Variants in FZD3 observed in about 807,000 individuals in gnomAD.
The protein encoded by FZD3 is frizzled-3.
Under a neutral mutation model 60.7 loss-of-function variants are expected in FZD3, and 30 were observed. The ratio of observed to expected loss-of-function variants is 0.49; its 90% CI spans 0.37 to 0.67. The LOEUF (loss-of-function observed/expected upper bound fraction) is 0.67. FZD3 is among the 30% of genes least tolerant of loss of function. The pLI is 0.00. For synonymous variants in FZD3, 246 were observed against 275.2 expected (o/e 0.89, Z 1.05); for missense variants, 605 against 838.7 (o/e 0.72, Z 3.44).
chr8:28,541,631 T>C, intron 5 of FZD3, among the ~76,000 whole-genome samples: 1 of 152,238 alleles, frequency 6.6e-6, no homozygotes, highest in Non-Finnish European at 1.5e-5. Context: ...TGTTTCAGAC[T>C]ATACAGCCCA....
rs745500133 is a variant in FZD3, at chr8:28,551,596, C to T, written c.1405-7C>T. On this transcript the variant is annotated splice_polypyrimidine_tract_variant and splice_region_variant and intron_variant, in intron 5 of 7. Transcript: ENST00000240093. ...TATTTAAGATGCTTTTCTTTCTGTTCTTCCAGGTTACTCAAATGAGTCGTC... is the reference window on the plus strand; with the variant it reads ...TATTTAAGATGCTTTTCTTTCTGTTTTTCCAGGTTACTCAAATGAGTCGTC... 7.0e-6 allele frequency: 11 copies of T among 1,581,888 alleles called. No homozygotes were observed. The highest frequency in any genetic ancestry group is 9.5e-6 in the Non-Finnish European group (11 of 1,155,432).
intron 1 of FZD3, among the ~76,000 whole-genome samples, chr8:28,494,861 A>G (rs1172705961): frequency 1.3e-5 from 2 of 151,198 alleles, no homozygotes; most frequent in African/African-American, 2.4e-5. Flanking sequence ...GCGCGCCGCC[A>G]GGCTCCCGGC....
chr8:28,504,217 A>T (rs928004792), intron 3 of FZD3, among the ~76,000 whole-genome samples: 1 of 152,202 alleles, frequency 6.6e-6, no homozygotes, highest in Non-Finnish European at 1.5e-5. Context: ...AGGGCATCTT[A>T]TATATTCCAA....
intron 5 of FZD3, among the ~76,000 whole-genome samples, chr8:28,533,289 A>G (rs1804926765): frequency 6.6e-6 from 1 of 151,722 alleles, no homozygotes; most frequent in African/African-American, 2.4e-5. Flanking sequence ...CTCCCTCTTC[A>G]GCCTCCCAAA....
chr8:28,562,690 T>C (rs1402334275), intron 7 of FZD3, 108 bp from the exon 8 acceptor site: 2 of 693,128 alleles, frequency 2.9e-6, no homozygotes, highest in Middle Eastern at 2.8e-4. Flanking sequence ...TTCTCATGGT[T>C]GGTTTCCTAA....
intron 5 of FZD3, among the ~76,000 whole-genome samples, chr8:28,543,563 T>C (rs1805223375): frequency 6.6e-6 from 1 of 152,122 alleles, no homozygotes; most frequent in African/African-American, 2.4e-5. Flanking sequence ...GTATTTTTGG[T>C]AGAGACGGTG....
chr8:28,549,533 C>T (rs1394307050), intron 5 of FZD3, among the ~76,000 whole-genome samples: 1 of 152,026 alleles, frequency 6.6e-6, no homozygotes, highest in Admixed American at 6.6e-5. Flanking sequence ...ACATTGCCTC[C>T]TCCTTTCTAG....
rs1805699568 is a variant in FZD3, at chr8:28,566,014, A to T, written c.*3003A>T. On this transcript the variant is annotated 3_prime_UTR_variant, in exon 8 of 8. Coordinates refer to ENST00000240093, the MANE Select transcript of FZD3 (RefSeq NM_017412.4). ...ATAACTAGACAAAAGATCTAAGATA[A>T]TATTAAACTCAAAACAGTTTGTTTC... 6.6e-6 allele frequency: 1 copy of T among 152,166 alleles called. No individual in the cohort carries two copies. The highest frequency in any genetic ancestry group is 2.4e-5 in the African/African-American group (1 of 41,438). The allele number at this position is 152,166 out of a possible 1,614,324, so 9.4% of individuals were successfully genotyped here.
chr8:28,558,622 G>C (rs1452370221), intron 7 of FZD3, among the ~76,000 whole-genome samples: 1 of 151,996 alleles, frequency 6.6e-6, no homozygotes, highest in Non-Finnish European at 1.5e-5. Context: ...ATTAGAGACA[G>C]GGTTTTGACA....
rs1466172101 is a variant in FZD3, at chr8:28,497,966, GACTTTT to G, written c.-390-1960_-390-1955del. Reference sequence around the variant, plus strand: ...AATACTTAGTTGATTTTATTTTAAAGACTTTTACTTTTTGTCATCAAAAGAAACCTG... The same window carrying G: ...AATACTTAGTTGATTTTATTTTAAAGACTTTTTGTCATCAAAAGAAACCTG... On this transcript the variant is annotated intron_variant, in intron 1 of 7. Coordinates refer to ENST00000240093, the MANE Select transcript of FZD3 (RefSeq NM_017412.4). Among the ~76,000 whole-genome samples the G allele has an allele frequency of 8.5e-5, 13 of 152,232 alleles. 1 individual carries two copies. In the South Asian group the frequency reaches 2.1e-3, roughly 24 times the overall value.
In FZD3 at chr8:28,571,897, A is replaced by G. The variant is rs753632896; in HGVS notation, c.*8886A>G. The stretch of plus-strand genomic sequence containing the variant: ...TGTTTCGTCAAAATTAAAATACTTT[A>G]CCAAAAAAATACTTTTTTGTATTTT... On this transcript the variant is annotated 3_prime_UTR_variant, in exon 8 of 8. Transcript: ENST00000240093. The G allele has an allele frequency of 2.6e-4, 40 of 152,298 alleles. No homozygotes were observed. The highest frequency in any genetic ancestry group is 1.0e-3 in the Admixed American group (16 of 15,296). The allele number at this position is 152,298 out of a possible 1,614,324, so 9.4% of individuals were successfully genotyped here. A position where few individuals can be genotyped will look rare whatever the true frequency, so the allele number is the denominator to read the frequency against.
chr8:28,551,545 G>A lies in FZD3; in HGVS notation c.1405-58G>A, dbSNP rs1805411018. ...AGAAAAAGAAAAAGATTTCATAATG[G>A]CCTTTAATAGAAAGTTATTTTTATA... On this transcript the variant is annotated intron_variant, in intron 5 of 7. Transcript: ENST00000240093. 6.5e-6 allele frequency: 8 copies of A among 1,225,956 alleles called. No individual in the cohort carries two copies. In the South Asian group the frequency reaches 7.9e-5, roughly 12 times the overall value. The allele number at this position is 1,225,956 out of a possible 1,614,324, so 75.9% of individuals were successfully genotyped here. A position where few individuals can be genotyped will look rare whatever the true frequency, so the allele number is the denominator to read the frequency against.
At chr8:28,539,069 G>A (rs1221997532) in intron 5 of FZD3, among the ~76,000 whole-genome samples, 3 of 151,996 alleles carry the variant, frequency 2.0e-5, no homozygotes, top group Non-Finnish European at 4.4e-5. Flanking sequence ...GATACCTTCA[G>A]GAATATGATA....
At chr8:28,526,673 G>A (rs1352479646) in intron 4 of FZD3, among the ~76,000 whole-genome samples, 1 of 152,146 alleles carries the variant, frequency 6.6e-6, no homozygotes, top group Admixed American at 6.6e-5. Flanking sequence ...GTTTGTATTA[G>A]AAAATTTGAA....
chr8:28,514,785 C>G (rs1369483266), intron 3 of FZD3, among the ~76,000 whole-genome samples: 1 of 152,188 alleles, frequency 6.6e-6, no homozygotes, highest in Admixed American at 6.5e-5. Flanking sequence ...CAGGGTTCCT[C>G]CTTATGCCCA....
In FZD3 at chr8:28,527,622, A is replaced by G. The variant is rs928451746; in HGVS notation, c.862A>G (p.Met288Val). ...AGGATCTCATAATAAAGCCTGTACC[A>G]TGCTTTTTATGATACTCTATTTTTT... ...TQGSHNKACT[M>V]LFMILYFFTM... Residue 288 changes from methionine (M) to valine (V), a missense_variant, in exon 5 of 8, where the codon ATG becomes GTG. Coordinates refer to ENST00000240093, the MANE Select transcript of FZD3 (RefSeq NM_017412.4). This position sits in a 1 kb window ranked among gnomAD's most constrained non-coding sequence, Gnocchi z 5.0. The G allele has an allele frequency of 6.2e-6, 10 of 1,613,956 alleles. No homozygotes were observed. The Admixed American group carries it at 6.7e-5, about 11-fold the overall frequency.
chr8:28,570,778 G>C lies in FZD3; in HGVS notation c.*7767G>C, dbSNP rs944103716. On this transcript the variant is annotated 3_prime_UTR_variant, in exon 8 of 8. Transcript: ENST00000240093. ...GTGTTTGCTCTGATTGTCTACATTA[G>C]CTCATATCAGTCTTTTGAACACTGG... is the stretch of plus-strand genomic sequence containing the variant. The C allele has an allele frequency of 3.9e-5, 6 of 152,038 alleles. No homozygotes were observed. Among genetic ancestry groups the C allele is most frequent in the Admixed American group, 3.9e-4 (6 of 15,268 alleles). 9.4% of individuals were successfully genotyped at this position (152,038 alleles called of 1,614,324 possible).
In FZD3 at chr8:28,516,208, A is replaced by G. The variant is rs563490588; in HGVS notation, c.190-4430A>G. Among the ~76,000 whole-genome samples the G allele has an allele frequency of 2.6e-3, 396 of 152,278 alleles. 1 individual carries two copies. Among genetic ancestry groups the G allele is most frequent in the Non-Finnish European group, 4.1e-3 (280 of 68,014 alleles). ...CATCTTTGTTGAAAATGAATTGGCC[A>G]TACATGTGATGGTTTAATTCTGGAC... On this transcript the variant is annotated intron_variant, in intron 3 of 7. Transcript: ENST00000240093.
intron 3 of FZD3, among the ~76,000 whole-genome samples, chr8:28,510,998 C>T (rs1210925078): frequency 1.3e-5 from 2 of 152,064 alleles, no homozygotes; most frequent in Admixed American, 6.5e-5. Flanking sequence ...GATCATGCCA[C>T]TGCACTCCAG....
Sources: gnomAD v4.1 joint callset for allele counts (sites outside exome capture counted in the v4.1 genomes callset) on GRCh38, gnomAD v4.1.1 for gene constraint, Gnocchi (gnomAD v3.1) non-coding constraint, MANE v1.5 for transcripts, NCBI Gene and HGNC (gene_info 2026-07-23, HGNC 2026-07-21) for gene names.